Variants in RAB3IL1 observed in about 807,000 individuals in gnomAD.
The protein encoded by RAB3IL1 is RAB3A interacting protein like 1, also known as guanine nucleotide exchange factor for Rab-3A.
A neutral mutation model predicts 49.2 loss-of-function variants in RAB3IL1; 37 were observed. The ratio of observed to expected loss-of-function variants is 0.75; its 90% CI spans 0.58 to 0.99. The LOEUF (loss-of-function observed/expected upper bound fraction) is 0.99. Ranked by LOEUF, RAB3IL1 falls within the 50% of genes least tolerant of loss-of-function variation. The pLI, the probability that RAB3IL1 is intolerant of heterozygous loss-of-function variation, is 0.00. For missense variants in RAB3IL1, 484 were observed against 513.0 expected, an observed-to-expected ratio of 0.94 and a Z score of 0.55; for synonymous variants, 193 against 213.9, an observed-to-expected ratio of 0.90 and a Z score of 0.85.
chr11:61,904,619 G>A lies in RAB3IL1; in HGVS notation c.826C>T (p.Leu276Phe). The A allele has an allele frequency of 6.2e-7, 1 of 1,613,222 alleles. No individual in the cohort carries two copies. The highest frequency in any genetic ancestry group is 8.5e-7 in the Non-Finnish European group (1 of 1,179,754). ...TGCGAAGCCACCGGCTCAATGGTGA[G>A]CGTGTTGTCCTCCACGGCGGCCCGT... is the stretch of plus-strand genomic sequence containing the variant. ...LVRAAVEDNTLTIEPVASQTL... is the reference protein window; with the variant it reads ...LVRAAVEDNTFTIEPVASQTL... Residue 276 changes from leucine to phenylalanine, a missense_variant, in exon 7 of 10, where the codon CTC becomes TTC. Coordinates refer to ENST00000394836, the MANE Select transcript of RAB3IL1 (RefSeq NM_013401.4).
chr11:61,918,924 G>A (rs1485162847), upstream of RAB3IL1, among the ~76,000 whole-genome samples: 1 of 152,132 alleles, frequency 6.6e-6, no homozygotes. Context: ...CAGAGGGCAG[G>A]GATTCTCTCT....
chr11:61,907,642 C>T lies in RAB3IL1; in HGVS notation c.283G>A (p.Glu95Lys), dbSNP rs768572800. ...RAQKELKLKD[E>K]ECERLSKVRE... ...ACCTTGGACAGCCGCTCACATTCCTCGTCCTTTAGCTTCAGCTCCTGGAGG... is the reference window on the plus strand; with the variant it reads ...ACCTTGGACAGCCGCTCACATTCCTTGTCCTTTAGCTTCAGCTCCTGGAGG... Residue 95 changes from glutamate to lysine, a missense_variant, in exon 3 of 10, where the codon GAG (glutamate) becomes AAG (lysine). Glu to Lys is a moderately conservative substitution (Grantham distance 56). Coordinates refer to ENST00000394836, the MANE Select transcript of RAB3IL1 (RefSeq NM_013401.4). The T allele has an allele frequency of 1.9e-6, 3 of 1,613,974 alleles. No homozygotes were observed. The highest frequency in any genetic ancestry group is 2.7e-5 in the African/African-American group (2 of 74,902).
chr11:61,936,167 A>G, the RAB3IL1 span, among the ~76,000 whole-genome samples: 2 of 152,200 alleles, frequency 1.3e-5, no homozygotes, highest in Admixed American at 1.3e-4. Flanking sequence ...ATGGAATACC[A>G]TCGAGCATAA....
upstream of RAB3IL1, among the ~76,000 whole-genome samples, chr11:61,920,740 A>G (rs1283734284): frequency 6.6e-6 from 1 of 152,204 alleles, no homozygotes; most frequent in African/African-American, 2.4e-5. Flanking sequence ...CCTGACCAAC[A>G]TGGTGAAACC....
the RAB3IL1 span, among the ~76,000 whole-genome samples, chr11:61,939,630 A>C: frequency 7.0e-6 from 1 of 143,710 alleles, no homozygotes; most frequent in East Asian, 2.0e-4. Flanking sequence ...TAGACTGACC[A>C]AAAAAAAAAA....
chr11:61,922,305 C>T (rs1331176372), upstream of RAB3IL1, among the ~76,000 whole-genome samples: 5 of 152,048 alleles, frequency 3.3e-5, no homozygotes, highest in Non-Finnish European at 7.4e-5. Flanking sequence ...TGGATCATCT[C>T]TGAGGTTGGG....
chr11:61,932,678 A>G, the RAB3IL1 span, among the ~76,000 whole-genome samples: 1 of 152,052 alleles, frequency 6.6e-6, no homozygotes, highest in Non-Finnish European at 1.5e-5. Context: ...AATCAAAGAC[A>G]TAAATAGAAA....
At chr11:61,928,189 G>A in the RAB3IL1 span, among the ~76,000 whole-genome samples, 1 of 151,720 alleles carries the variant, frequency 6.6e-6, no homozygotes, top group Non-Finnish European at 1.5e-5. Flanking sequence ...TCTAGAAAAA[G>A]AGGCTATAAT....
intron 7 of RAB3IL1, among the ~76,000 whole-genome samples, chr11:61,903,801 A>G (rs1372669398): frequency 6.6e-6 from 1 of 152,128 alleles, no homozygotes; most frequent in Non-Finnish European, 1.5e-5. Context: ...CTGGGATTAC[A>G]GGTGTGAGCC....
At chr11:61,904,708 C>G in intron 6 of RAB3IL1, 46 bp downstream of exon 6, 1 of 1,582,704 alleles carries the variant, frequency 6.3e-7, no homozygotes, top group Non-Finnish European at 8.6e-7. Flanking sequence ...TGGGCCCTGG[C>G]GGAGGGGTGT....
the RAB3IL1 span, among the ~76,000 whole-genome samples, chr11:61,945,386 C>T: frequency 7.2e-5 from 11 of 152,180 alleles, no homozygotes; most frequent in Non-Finnish European, 1.2e-4. Context: ...CACGGTCGGT[C>T]GGCATTCAGT....
chr11:61,942,176 A>G, the RAB3IL1 span, among the ~76,000 whole-genome samples: 1 of 152,224 alleles, frequency 6.6e-6, no homozygotes, highest in African/African-American at 2.4e-5. Context: ...GCACCACTGC[A>G]CTCCAGCCTA....
intron 2 of RAB3IL1, 53 bp from the exon 3 acceptor site, chr11:61,907,713 C>T (rs376657247): frequency 1.6e-5 from 25 of 1,537,160 alleles, no homozygotes; most frequent in Admixed American, 3.4e-5. Context: ...AGGCCTGGCA[C>T]GGGAGGGACC....
At chr11:61,910,971 G>A (rs1392719606) in intron 1 of RAB3IL1, among the ~76,000 whole-genome samples, 2 of 152,208 alleles carry the variant, frequency 1.3e-5, no homozygotes, top group African/African-American at 4.8e-5. Flanking sequence ...CATGGGGGCC[G>A]AGCTTCATCC....
In RAB3IL1 at chr11:61,898,775, C is replaced by T. The variant is rs191163333; in HGVS notation, c.1067-415G>A. On this transcript the variant is annotated intron_variant, in intron 9 of 9. Transcript: ENST00000394836. This position sits in a 1 kb window ranked among gnomAD's most constrained non-coding sequence, Gnocchi z 5.1. ...CAGGGACCTAGCAGGTGTCAACACC[C>T]AGCATGCCTTGGCCTTGGCCTCCAA... is the stretch of plus-strand genomic sequence containing the variant. 49 of 473,204 alleles carry T rather than the reference C, an allele frequency of 1.0e-4. No homozygotes were observed. The East Asian group carries it at 2.7e-3, about 27-fold the overall frequency. 29.3% of individuals were successfully genotyped at this position (473,204 alleles called of 1,614,324 possible). A position where few individuals can be genotyped will look rare whatever the true frequency, so the allele number is the denominator to read the frequency against.
At chr11:61,922,095 G>T (rs1939922133), upstream of RAB3IL1, among the ~76,000 whole-genome samples, 1 of 152,088 alleles carries the variant, frequency 6.6e-6, no homozygotes. Flanking sequence ...TGTAGTCCCA[G>T]CTACTCGGGA....
Position 61,908,281 on chromosome 11 carries a change from G to C in RAB3IL1, c.37C>G (p.Pro13Ala), listed in dbSNP as rs1939307751. Residue 13 changes from proline to alanine, a missense_variant, in exon 2 of 10, where the codon CCG becomes GCG. Coordinates refer to ENST00000394836, the MANE Select transcript of RAB3IL1 (RefSeq NM_013401.4). ...ACCGGGACAGCTGCAAGGGGCGGCGGGAGGCCCTGGTCTGGCTGGGGTGGG... is the reference window on the plus strand; with the variant it reads ...ACCGGGACAGCTGCAAGGGGCGGCGCGAGGCCCTGGTCTGGCTGGGGTGGG... Reference protein sequence around the residue: ...SGPPQPDQGLPPPLAAVPVPW... With the variant: ...SGPPQPDQGLAPPLAAVPVPW... 6.7e-7 allele frequency: 1 copy of C among 1,497,144 alleles called. No individual in the cohort carries two copies. The highest frequency in any genetic ancestry group is 1.4e-5 in the African/African-American group (1 of 71,880). The allele number at this position is 1,497,144 out of a possible 1,614,324, so 92.7% of individuals were successfully genotyped here. A position where few individuals can be genotyped will look rare whatever the true frequency, so the allele number is the denominator to read the frequency against.
chr11:61,908,016 C>A (rs749065753), intron 2 of RAB3IL1, 38 bp downstream of exon 2: 1 of 1,571,396 alleles, frequency 6.4e-7, no homozygotes, highest in South Asian at 1.1e-5. Context: ...CCTGACTTCT[C>A]CCCACCGAAG....
At chr11:61,909,026 G>A (rs990438418) in intron 1 of RAB3IL1, among the ~76,000 whole-genome samples, 3 of 152,232 alleles carry the variant, frequency 2.0e-5, no homozygotes, top group East Asian at 1.9e-4. Context: ...GCCTCATTCC[G>A]CCCCCACCCA....
Sources: allele counts gnomAD v4.1 joint callset (sites outside exome capture counted in the v4.1 genomes callset), GRCh38; gene constraint gnomAD v4.1.1; non-coding constraint Gnocchi (gnomAD v3.1); transcripts MANE v1.5; gene names NCBI Gene and HGNC (gene_info 2026-07-23, HGNC 2026-07-21).